GPR158: variants seen among roughly 807,000 people sequenced by gnomAD.
GPR158 encodes G protein-coupled receptor 158.
Under a neutral mutation model 78.2 loss-of-function variants are expected in GPR158, and 30 were observed. The ratio of observed to expected loss-of-function variants is 0.38; its 90% CI spans 0.29 to 0.52. GPR158 has a LOEUF of 0.52. Among genes scored for constraint, GPR158 ranks in the 20% least tolerant of loss-of-function variants. The pLI, the probability that GPR158 is intolerant of heterozygous loss-of-function variation, is 0.83. For synonymous variants in GPR158, 581 were observed against 591.1 expected, an observed-to-expected ratio of 0.98 and a Z score of 0.25; for missense variants, 1,463 against 1,523.5, an observed-to-expected ratio of 0.96 and a Z score of 0.66.
intron 2 of GPR158, among the ~76,000 whole-genome samples, chr10:25,279,173 CTGCTGA>C (rs1854230616): frequency 2.7e-5 from 4 of 148,682 alleles, no homozygotes; most frequent in African/African-American, 1.0e-4. Flanking sequence ...ACTGCTGATG[CTGCTGA>C]TGCTGCTGCT....
At chr10:25,584,240 C>T (rs1168929112) in intron 7 of GPR158, among the ~76,000 whole-genome samples, 1 of 152,184 alleles carries the variant, frequency 6.6e-6, no homozygotes, top group African/African-American at 2.4e-5. Flanking sequence ...TTTCAACTCC[C>T]ACGTAATAAC....
At chr10:25,490,755 G>A (rs553004386) in intron 5 of GPR158, among the ~76,000 whole-genome samples, 25 of 149,526 alleles carry the variant, frequency 1.7e-4, no homozygotes, top group Middle Eastern at 6.9e-3. Context: ...ATAAACATAT[G>A]TGTGCATGTG....
chr10:25,219,887 A>G (rs1407984911), intron 1 of GPR158, among the ~76,000 whole-genome samples: 1 of 152,198 alleles, frequency 6.6e-6, no homozygotes, highest in East Asian at 1.9e-4. Context: ...TGTTTTGGCA[A>G]AGCATAATGT....
intron 2 of GPR158, among the ~76,000 whole-genome samples, chr10:25,337,956 G>A (rs896119755): frequency 6.6e-6 from 1 of 151,716 alleles, no homozygotes; most frequent in African/African-American, 2.4e-5. Context: ...TAAGTATTTC[G>A]ACTGTTTTTT....
chr10:25,466,641 G>C lies in GPR158; in HGVS notation c.1336-10G>C. 1 of 1,587,358 alleles carries C rather than the reference G, an allele frequency of 6.3e-7. No individual in the cohort carries two copies. Among genetic ancestry groups the C allele is most frequent in the Non-Finnish European group, 8.6e-7 (1 of 1,162,428 alleles). On this transcript the variant is annotated splice_polypyrimidine_tract_variant and intron_variant, in intron 4 of 10. Transcript: ENST00000376351. ...AAGTTAGTAATGACGTTTTTATTTT[G>C]TTTTTTCAGAGCATCCGGGCATCGG...
chr10:25,184,101 CA>C (rs1250281525), intron 1 of GPR158, among the ~76,000 whole-genome samples: 1 of 152,154 alleles, frequency 6.6e-6, no homozygotes, highest in East Asian at 1.9e-4. Flanking sequence ...TCTTCAACGA[CA>C]AAGTTCTATT....
At chr10:25,494,432 A>G (rs1196726439) in intron 5 of GPR158, among the ~76,000 whole-genome samples, 1 of 152,038 alleles carries the variant, frequency 6.6e-6, no homozygotes, top group Admixed American at 6.6e-5. Context: ...ATATTCCATC[A>G]CTCAGAGATA....
intron 2 of GPR158, among the ~76,000 whole-genome samples, chr10:25,364,088 A>G (rs10828777): frequency 0.6 from 91,593 of 151,742 alleles, 28,908 homozygotes; most frequent in Non-Finnish European, 0.72. Context: ...AATCAGTTCT[A>G]TGGAATAAGA....
At chr10:25,390,976 A>T (rs1773608) in intron 2 of GPR158, among the ~76,000 whole-genome samples, 68 of 152,066 alleles carry the variant, frequency 4.5e-4, no homozygotes, top group African/African-American at 1.5e-3. Flanking sequence ...CCCGTGTGTC[A>T]GCTGTGGCTA....
chr10:25,281,663 TAAG>T (rs1469705209), intron 2 of GPR158, among the ~76,000 whole-genome samples: 2 of 151,340 alleles, frequency 1.3e-5, no homozygotes, highest in Admixed American at 6.6e-5. Flanking sequence ...CATAATCACT[TAAG>T]GAGGAAAAAA....
At chr10:25,283,941 T>C (rs1854311758) in intron 2 of GPR158, among the ~76,000 whole-genome samples, 2 of 152,110 alleles carry the variant, frequency 1.3e-5, no homozygotes, top group South Asian at 4.1e-4. Context: ...TTTTCTGTTA[T>C]TGATCGCTAG....
chr10:25,235,529 C>T (rs1213366592), intron 2 of GPR158, among the ~76,000 whole-genome samples: 5 of 150,310 alleles, frequency 3.3e-5, no homozygotes, highest in East Asian at 2.0e-4. Context: ...CTCTTCAGTT[C>T]GTCATTCATC....
intron 2 of GPR158, among the ~76,000 whole-genome samples, chr10:25,377,287 C>T (rs1477451479): frequency 6.6e-6 from 1 of 151,776 alleles, no homozygotes; most frequent in Non-Finnish European, 1.5e-5. Flanking sequence ...ACCTGCATGC[C>T]ATCATGTATG....
At chr10:25,388,480 G>A (rs1206785310) in intron 2 of GPR158, among the ~76,000 whole-genome samples, 1 of 152,246 alleles carries the variant, frequency 6.6e-6, no homozygotes, top group Non-Finnish European at 1.5e-5. Context: ...CAAATGTGCA[G>A]CCAGGACTCA....
chr10:25,498,649 C>T (rs1326667022), intron 5 of GPR158, among the ~76,000 whole-genome samples: 1 of 152,116 alleles, frequency 6.6e-6, no homozygotes, highest in African/African-American at 2.4e-5. Flanking sequence ...TAAACCTGGG[C>T]TTTCTGTGTC....
chr10:25,469,770 C>T (rs192613401), intron 5 of GPR158, among the ~76,000 whole-genome samples: 6,123 of 113,902 alleles, frequency 0.054, 397 homozygotes, highest in African/African-American at 0.18. Flanking sequence ...GGCAACAGAG[C>T]GAGACTCCAT....
chr10:25,222,956 G>T (rs1822135387), intron 2 of GPR158, among the ~76,000 whole-genome samples: 1 of 152,144 alleles, frequency 6.6e-6, no homozygotes, highest in African/African-American at 2.4e-5. Context: ...TATTTGACTA[G>T]ATGGTCATAC....
chr10:25,551,896 A>G (rs1020861886), intron 6 of GPR158, among the ~76,000 whole-genome samples: 3 of 152,168 alleles, frequency 2.0e-5, no homozygotes, highest in African/African-American at 4.8e-5. Context: ...TTCGACAACC[A>G]TGGTAAGCCA....
At chr10:25,532,368 A>G (rs530741147) in intron 5 of GPR158, among the ~76,000 whole-genome samples, 1 of 152,256 alleles carries the variant, frequency 6.6e-6, no homozygotes, top group East Asian at 1.9e-4. Flanking sequence ...CTTGGCTGTA[A>G]AAAAGCTTTT....
Sources: allele counts gnomAD v4.1 joint callset (sites outside exome capture counted in the v4.1 genomes callset), GRCh38; gene constraint gnomAD v4.1.1; transcripts MANE v1.5; gene names NCBI Gene and HGNC (gene_info 2026-07-23, HGNC 2026-07-21).